The following LRRC4C variants were observed in gnomAD, a reference collection of about 807,000 sequenced individuals.
The protein encoded by LRRC4C is leucine rich repeat containing 4C.
In LRRC4C, 5 loss-of-function variants were observed where a neutral mutation model predicts 33.6. The observed-to-expected ratio is 0.15, with a 90% CI of 0.08 to 0.31. The LOEUF (loss-of-function observed/expected upper bound fraction) is 0.31, where lower values mean the gene tolerates loss of function less well. Among genes scored for constraint, LRRC4C ranks in the 10% least tolerant of loss-of-function variants. The pLI, the probability that LRRC4C is intolerant of heterozygous loss-of-function variation, is 1.00. For missense variants in LRRC4C, 560 were observed against 796.7 expected (o/e 0.70, Z 3.58); for synonymous variants, 329 against 302.0 (o/e 1.09, Z -0.93).
At chr11:40,316,515 G>C (rs1056940194) in intron 4 of LRRC4C, among the ~76,000 whole-genome samples, 1 of 151,932 alleles carries the variant, frequency 6.6e-6, no homozygotes, top group Admixed American at 6.6e-5. Flanking sequence ...AATCCTATTA[G>C]TATAAATTCA....
chr11:40,868,577 G>A (rs961429512), intron 2 of LRRC4C, among the ~76,000 whole-genome samples: 4 of 152,036 alleles, frequency 2.6e-5, no homozygotes, highest in Middle Eastern at 3.4e-3. Context: ...AGTTTCTTCC[G>A]ATACCTTTCT....
intron 3 of LRRC4C, among the ~76,000 whole-genome samples, chr11:40,634,543 T>G (rs1963783869): frequency 6.6e-6 from 1 of 152,114 alleles, no homozygotes; most frequent in Non-Finnish European, 1.5e-5. Flanking sequence ...AACTAAGATG[T>G]TCGTACTAAC....
chr11:40,320,556 T>G (rs1185214279), intron 3 of LRRC4C, among the ~76,000 whole-genome samples: 3 of 152,172 alleles, frequency 2.0e-5, no homozygotes, highest in Admixed American at 6.5e-5. Context: ...GTAATTTACA[T>G]ATTCCTCAGT....
At chr11:40,423,998 G>GT (rs1299677122) in intron 3 of LRRC4C, among the ~76,000 whole-genome samples, 1 of 151,910 alleles carries the variant, frequency 6.6e-6, no homozygotes, top group Non-Finnish European at 1.5e-5. Flanking sequence ...TATGTATATG[G>GT]TATACATATA....
At chr11:40,243,833 C>A (rs1181071950) in intron 4 of LRRC4C, among the ~76,000 whole-genome samples, 2 of 150,092 alleles carry the variant, frequency 1.3e-5, no homozygotes. Flanking sequence ...GGATTATAGG[C>A]TCCTGCCACC....
At chr11:41,249,749 A>G (rs796887462) in intron 1 of LRRC4C, among the ~76,000 whole-genome samples, 47 of 152,298 alleles carry the variant, frequency 3.1e-4, no homozygotes, top group African/African-American at 1.1e-3. Flanking sequence ...TCTATAATCC[A>G]TAGAAAATAG....
At chr11:41,235,970 G>A (rs1948004340) in intron 1 of LRRC4C, among the ~76,000 whole-genome samples, 2 of 152,120 alleles carry the variant, frequency 1.3e-5, no homozygotes, top group South Asian at 4.2e-4. Flanking sequence ...GTGCCAATGG[G>A]CCCAGCTACA....
At chr11:41,435,663 G>C (rs1955400677) in intron 1 of LRRC4C, among the ~76,000 whole-genome samples, 1 of 152,124 alleles carries the variant, frequency 6.6e-6, no homozygotes, top group African/African-American at 2.4e-5. Context: ...GAATCGCATG[G>C]TTATTTGTCA....
chr11:41,154,376 A>T (rs1944133243), intron 1 of LRRC4C, among the ~76,000 whole-genome samples: 1 of 152,070 alleles, frequency 6.6e-6, no homozygotes, highest in Non-Finnish European at 1.5e-5. Flanking sequence ...TCATAATTTC[A>T]TTATGGCCTT....
intron 3 of LRRC4C, among the ~76,000 whole-genome samples, chr11:40,436,959 A>C (rs1024599218): frequency 2.6e-5 from 4 of 152,188 alleles, no homozygotes; most frequent in African/African-American, 9.7e-5. Context: ...GTTTGGGATC[A>C]GTAGTTCGAG....
chr11:40,974,009 G>A (rs796726973), intron 1 of LRRC4C, among the ~76,000 whole-genome samples: 31 of 152,092 alleles, frequency 2.0e-4, no homozygotes, highest in African/African-American at 6.7e-4. Context: ...CTGTGACAAG[G>A]CTGGAATTTG....
chr11:41,294,314 GA>G (rs1487814885), intron 1 of LRRC4C, among the ~76,000 whole-genome samples: 1 of 152,192 alleles, frequency 6.6e-6, no homozygotes, highest in Admixed American at 6.5e-5. Flanking sequence ...GAGTGTGAGA[GA>G]AAAGGACTTC....
At chr11:40,924,692 A>G (rs1957341924) in intron 2 of LRRC4C, among the ~76,000 whole-genome samples, 2 of 152,200 alleles carry the variant, frequency 1.3e-5, no homozygotes, top group Admixed American at 6.5e-5. Flanking sequence ...GGTGAGGAAT[A>G]TGCTAAATAC....
intron 1 of LRRC4C, among the ~76,000 whole-genome samples, chr11:41,274,802 G>A (rs1949430281): frequency 6.6e-6 from 1 of 152,054 alleles, no homozygotes; most frequent in Non-Finnish European, 1.5e-5. Flanking sequence ...AACAGTCACT[G>A]CGAAGGTCTG....
At chr11:40,870,603 T>C (rs915483279) in intron 2 of LRRC4C, among the ~76,000 whole-genome samples, 2 of 152,206 alleles carry the variant, frequency 1.3e-5, no homozygotes, top group South Asian at 2.1e-4. Flanking sequence ...TCTCTGAACA[T>C]AAATTGTGAA....
chr11:41,428,977 T>C (rs1057133392), intron 1 of LRRC4C, among the ~76,000 whole-genome samples: 4 of 152,116 alleles, frequency 2.6e-5, no homozygotes, highest in African/African-American at 9.7e-5. Flanking sequence ...GAAAAAGGAC[T>C]GAATATGGTT....
At chr11:40,262,842 G>C (rs957251924) in intron 4 of LRRC4C, among the ~76,000 whole-genome samples, 1 of 152,110 alleles carries the variant, frequency 6.6e-6, no homozygotes, top group Admixed American at 6.6e-5. Context: ...GGAGTAGGGG[G>C]CTAGGGAAGG....
chr11:40,326,530 C>T (rs2034750541), intron 3 of LRRC4C, among the ~76,000 whole-genome samples: 1 of 147,004 alleles, frequency 6.8e-6, no homozygotes, highest in African/African-American at 2.5e-5. Flanking sequence ...CACTGCACTC[C>T]AGGCAAGACT....
rs558224547 is a variant in LRRC4C, at chr11:40,142,972, A to G, written c.-95-2119T>C. On this transcript the variant is annotated intron_variant, in intron 5 of 6. Transcript: ENST00000528697. ...CATTCATTCATTCATACAACTATAT[A>G]TTTTAAGCTCTTACTGTGTGCCAAG... Among the ~76,000 whole-genome samples the G allele has an allele frequency of 3.8e-4, 58 of 152,178 alleles. No homozygotes were observed. In the South Asian group the frequency reaches 0.011, roughly 28 times the overall value.
Sources: allele counts gnomAD v4.1 joint callset (sites outside exome capture counted in the v4.1 genomes callset), GRCh38; gene constraint gnomAD v4.1.1; transcripts MANE v1.5; gene names NCBI Gene and HGNC (gene_info 2026-07-23, HGNC 2026-07-21).